PRKN: variants seen among roughly 807,000 people sequenced by gnomAD.
PRKN encodes the protein parkin RBR E3 ubiquitin protein ligase.
In PRKN, 56 loss-of-function variants were observed where a neutral mutation model predicts 59.5. The observed-to-expected ratio is 0.94, with a 90% confidence interval of 0.76 to 1.18. The LOEUF is 1.18. PRKN is among the 50% of genes most tolerant of loss of function. The pLI is 0.00. For synonymous variants in PRKN, 250 were observed against 222.1 expected (o/e 1.13, Z -1.12); for missense variants, 657 against 596.4 (o/e 1.10, Z -1.06).
chr6:162,307,594 T>C (rs1423454756), intron 2 of PRKN, among the ~76,000 whole-genome samples: 3 of 152,086 alleles, frequency 2.0e-5, no homozygotes, highest in Non-Finnish European at 4.4e-5. Flanking sequence ...TACCTTTGAC[T>C]ATAGAAAATG....
At chr6:161,748,356 T>A (rs1283677218) in intron 7 of PRKN, among the ~76,000 whole-genome samples, 1 of 152,106 alleles carries the variant, frequency 6.6e-6, no homozygotes, top group East Asian at 1.9e-4. Flanking sequence ...CTCTTACGTT[T>A]TTTTTTTGTC....
chr6:162,049,869 C>A (rs924857690), intron 5 of PRKN, among the ~76,000 whole-genome samples: 1 of 152,138 alleles, frequency 6.6e-6, no homozygotes. Context: ...TGGTACGAAT[C>A]GGACGCGTCC....
At position 161,602,452 on chromosome 6, in the gene PRKN, T is replaced by C. The variant is rs192867996; in HGVS notation, c.872-33036A>G. On this transcript the variant is annotated intron_variant, in intron 7 of 11. Transcript: ENST00000366898. The stretch of plus-strand genomic sequence containing the variant: ...CTATAATTTACTGAGAGTATAAAAG[T>C]GCTCATTCATTTGGACTTACTTCTG... Among the ~76,000 whole-genome samples, 541 of 152,352 alleles carry C rather than the reference T, an allele frequency of 3.6e-3. 2 individuals are homozygous for C. The highest frequency in any genetic ancestry group is 3.4e-3 in the Admixed American group (52 of 15,308).
At chr6:162,003,343 T>A (rs1363792937) in intron 5 of PRKN, among the ~76,000 whole-genome samples, 2 of 152,166 alleles carry the variant, frequency 1.3e-5, no homozygotes, top group African/African-American at 4.8e-5. Context: ...CTTAAACTAC[T>A]TTTAAGCGAA....
intron 7 of PRKN, among the ~76,000 whole-genome samples, chr6:161,690,753 C>A (rs111369382): frequency 0.012 from 1,782 of 152,240 alleles, 27 homozygotes; most frequent in African/African-American, 0.041. Flanking sequence ...CCTCAGCACT[C>A]CTAGTTCTTA....
At chr6:161,654,887 T>A (rs11969183) in intron 7 of PRKN, among the ~76,000 whole-genome samples, 38,675 of 152,030 alleles carry the variant, frequency 0.25, 5,292 homozygotes, top group Non-Finnish European at 0.32. Flanking sequence ...ACTCTAGGAG[T>A]GCAGCCTTGC....
At chr6:161,854,084 T>TAAAAA (rs34040894) in intron 6 of PRKN, among the ~76,000 whole-genome samples, 3 of 103,666 alleles carry the variant, frequency 2.9e-5, no homozygotes, top group Admixed American at 1.1e-4. Flanking sequence ...TGTTTCTACA[T>TAAAAA]AAAAAAAAAA....
At chr6:161,962,606 G>A (rs879573427) in intron 6 of PRKN, among the ~76,000 whole-genome samples, 9 of 147,920 alleles carry the variant, frequency 6.1e-5, no homozygotes, top group Admixed American at 1.4e-4. Flanking sequence ...GCACAATCTC[G>A]GCTCACTGCA....
At chr6:162,481,012 C>T (rs917840577) in intron 1 of PRKN, among the ~76,000 whole-genome samples, 4 of 151,730 alleles carry the variant, frequency 2.6e-5, no homozygotes, top group Admixed American at 2.0e-4. Context: ...TTAGTAAAGA[C>T]AGAGTTTTGC....
At chr6:161,450,560 C>CT (rs1282567663) in intron 9 of PRKN, among the ~76,000 whole-genome samples, 3 of 149,816 alleles carry the variant, frequency 2.0e-5, no homozygotes, top group African/African-American at 7.4e-5. Flanking sequence ...TTTTCTTTTT[C>CT]TTCCTTTTTT....
At position 162,043,483 on chromosome 6, in the gene PRKN, T is replaced by C. The variant is rs189819243; in HGVS notation, c.618+10608A>G. On this transcript the variant is annotated intron_variant, in intron 5 of 11. Transcript: ENST00000366898. ...TCAGTGAAATTTCAAAATTCACTGA[T>C]GTGCAGTCTTGCTTCACAAATGGAC... 1.3e-3 allele frequency among the ~76,000 whole-genome samples: 197 copies of C among 152,336 alleles called. 2 individuals are homozygous for C. The highest frequency in any genetic ancestry group is 8.7e-4 in the Non-Finnish European group (59 of 68,024).
At chr6:162,059,333 T>TAC (rs1778001261) in intron 4 of PRKN, among the ~76,000 whole-genome samples, 1 of 151,764 alleles carries the variant, frequency 6.6e-6, no homozygotes. Context: ...GTAAAATAGA[T>TAC]GTTAGTTTAT....
At chr6:162,695,066 T>A (rs1777918919) in intron 1 of PRKN, 2 of 152,182 alleles carry the variant, frequency 1.3e-5, no homozygotes, top group African/African-American at 4.8e-5. Flanking sequence ...GTCAGTGTGA[T>A]CTGCAGATAG....
intron 7 of PRKN, among the ~76,000 whole-genome samples, chr6:161,635,097 C>T (rs543265472): frequency 1.3e-5 from 2 of 152,230 alleles, no homozygotes; most frequent in South Asian, 4.2e-4. Context: ...TGTCTGACCT[C>T]CTTATTGGAG....
chr6:162,222,644 C>T (rs1260970201), intron 3 of PRKN, among the ~76,000 whole-genome samples: 3 of 152,106 alleles, frequency 2.0e-5, no homozygotes, highest in Non-Finnish European at 4.4e-5. Flanking sequence ...TTGTGAGACC[C>T]TGAGTGGAGG....
At chr6:162,276,745 T>C (rs1301513118) in intron 2 of PRKN, among the ~76,000 whole-genome samples, 1 of 151,694 alleles carries the variant, frequency 6.6e-6, no homozygotes, top group Non-Finnish European at 1.5e-5. Flanking sequence ...GCACCTCTCT[T>C]AGATAATTGA....
At chr6:161,486,383 T>A (rs1434456000) in intron 9 of PRKN, among the ~76,000 whole-genome samples, 19 of 152,238 alleles carry the variant, frequency 1.2e-4, no homozygotes, top group Admixed American at 1.2e-3. Flanking sequence ...TTCTAAATAG[T>A]CTATGATATA....
At chr6:162,470,132 C>T (rs927284100) in intron 1 of PRKN, among the ~76,000 whole-genome samples, 12 of 152,148 alleles carry the variant, frequency 7.9e-5, no homozygotes, top group African/African-American at 2.4e-4. Flanking sequence ...AGGTCTCCCA[C>T]GGCCACTGGG....
At chr6:162,225,817 A>T (rs1020646679) in intron 3 of PRKN, among the ~76,000 whole-genome samples, 2 of 151,768 alleles carry the variant, frequency 1.3e-5, no homozygotes, top group Admixed American at 1.3e-4. Flanking sequence ...ATGTGGATTT[A>T]CCTGGGAAAT....
Sources: gnomAD v4.1 joint callset for allele counts (sites outside exome capture counted in the v4.1 genomes callset) on GRCh38, gnomAD v4.1.1 for gene constraint, MANE v1.5 for transcripts, NCBI Gene and HGNC (gene_info 2026-07-23, HGNC 2026-07-21) for gene names.